The following SH3D19 variants were observed in gnomAD, a reference collection of about 807,000 sequenced individuals.
SH3D19 encodes the protein SH3 domain containing 19, also known as SH3 domain-containing protein 19.
SH3D19 carries 58 observed loss-of-function variants against 112.1 expected under a neutral mutation model. The ratio of observed to expected loss-of-function variants is 0.52; its 90% CI spans 0.42 to 0.64. SH3D19 has a LOEUF of 0.64. Ranked by LOEUF, SH3D19 falls within the 30% of genes least tolerant of loss-of-function variation. SH3D19 has a pLI of 0.00. For synonymous variants in SH3D19, 391 were observed against 448.5 expected (o/e 0.87, Z 1.62); for missense variants, 1,090 against 1,263.4 (o/e 0.86, Z 2.08).
rs1763815617 is a variant in SH3D19 at position 151,198,323 on chromosome 4, TATATAATATAAAA to T, written c.153-10873_153-10861del. ...CTGTCTCAAAAAAAAAAAAAATATATATATAATATAAAAATATATATTATATAAAATATAAAAT... is the reference window on the plus strand; with the variant it reads ...CTGTCTCAAAAAAAAAAAAAATATATATATATATTATATAAAATATAAAAT... On this transcript the variant is annotated intron_variant, in intron 2 of 19. Transcript: ENST00000604030. 4.9e-5 allele frequency among the ~76,000 whole-genome samples: 4 copies of T among 82,158 alleles called. No individual in the cohort carries two copies. In the South Asian group the frequency reaches 9.6e-4, roughly 20 times the overall value. 53.9% of individuals were successfully genotyped at this position (82,158 alleles called of 152,430 possible).
intron 12 of SH3D19, among the ~76,000 whole-genome samples, chr4:151,143,392 T>C (rs1753363856): frequency 6.6e-6 from 1 of 152,022 alleles, no homozygotes; most frequent in South Asian, 2.1e-4. Flanking sequence ...AATGAGTCAG[T>C]GGAGAACTTG....
intron 1 of SH3D19, among the ~76,000 whole-genome samples, chr4:151,288,982 A>C (rs891045050): frequency 3.3e-5 from 5 of 152,232 alleles, no homozygotes; most frequent in African/African-American, 9.6e-5. Context: ...CACATTTTTC[A>C]TATTTCAAAA....
chr4:151,282,391 G>C (rs773097478), intron 1 of SH3D19: 1 of 1,613,824 alleles, frequency 6.2e-7, no homozygotes, highest in South Asian at 1.1e-5. Context: ...TGACCGGATG[G>C]GGAAAAGTTA....
intron 1 of SH3D19, among the ~76,000 whole-genome samples, chr4:151,286,600 T>TAA (rs200710507): frequency 1.4e-4 from 19 of 132,800 alleles, no homozygotes; most frequent in South Asian, 2.5e-4. Flanking sequence ...CATTTGTGAT[T>TAA]AAAAAAAAAA....
At chr4:151,244,226 C>CAACAAA (rs1770766021) in intron 1 of SH3D19, among the ~76,000 whole-genome samples, 1 of 151,938 alleles carries the variant, frequency 6.6e-6, no homozygotes, top group Admixed American at 6.6e-5. Context: ...ACAACAACAA[C>CAACAAA]AAATACACAA....
At chr4:151,178,598 C>A (rs531679013) in intron 4 of SH3D19, among the ~76,000 whole-genome samples, 10 of 152,244 alleles carry the variant, frequency 6.6e-5, no homozygotes, top group African/African-American at 2.4e-4. Flanking sequence ...CATTTTAAAG[C>A]TGGGATAAAG....
chr4:151,313,174 T>C (rs1311509204), intron 1 of SH3D19, among the ~76,000 whole-genome samples: 1 of 151,768 alleles, frequency 6.6e-6, no homozygotes, highest in Non-Finnish European at 1.5e-5. Flanking sequence ...CCAGGTGATC[T>C]GTAGGCAGAA....
intron 15 of SH3D19, 109 bp downstream of exon 15, chr4:151,134,965 G>A: frequency 1.1e-6 from 1 of 872,106 alleles, no homozygotes; most frequent in Non-Finnish European, 1.8e-6. Flanking sequence ...TGGGATACAG[G>A]TCTGAGCCAC....
intron 1 of SH3D19, among the ~76,000 whole-genome samples, chr4:151,251,759 C>G (rs531257607): frequency 6.6e-6 from 1 of 152,280 alleles, no homozygotes; most frequent in East Asian, 1.9e-4. Context: ...ACCCATGTTG[C>G]TGAGCAGCAC....
chr4:151,233,386 C>G (rs72723778), intron 1 of SH3D19, among the ~76,000 whole-genome samples: 2 of 152,050 alleles, frequency 1.3e-5, no homozygotes, highest in Non-Finnish European at 2.9e-5. Context: ...GGTTGGGGAC[C>G]GCTGCATTAA....
chr4:151,277,902 G>C (rs764417365), intron 1 of SH3D19, among the ~76,000 whole-genome samples: 1 of 152,048 alleles, frequency 6.6e-6, no homozygotes, highest in Admixed American at 6.5e-5. Context: ...TTAGCCGGGC[G>C]TGGTGGCGGG....
chr4:151,270,462 C>G lies in SH3D19; in HGVS notation c.113-44376G>C, dbSNP rs540163309. Among the ~76,000 whole-genome samples, 75 of 152,322 alleles carry G rather than the reference C, an allele frequency of 4.9e-4. 1 individual carries two copies. Among genetic ancestry groups the G allele is most frequent in the African/African-American group, 1.8e-3 (73 of 41,578 alleles). ...GAGGCCTTCTCAGAAGCAGATGCCG[C>G]TATGCCTCCTGTGCAGCCTGCAGAA... On this transcript the variant is annotated intron_variant, in intron 1 of 19. Transcript: ENST00000604030.
intron 19 of SH3D19, among the ~76,000 whole-genome samples, chr4:151,125,988 C>A (rs1749231957): frequency 6.6e-6 from 1 of 151,602 alleles, no homozygotes; most frequent in African/African-American, 2.4e-5. Flanking sequence ...AACCCCATCA[C>A]AAAATAGGAA....
intron 19 of SH3D19, among the ~76,000 whole-genome samples, chr4:151,127,050 C>T (rs910178134): frequency 4.0e-5 from 6 of 151,718 alleles, no homozygotes; most frequent in African/African-American, 1.5e-4. Flanking sequence ...GCTGGGATTA[C>T]AGGCGCCTGC....
intron 1 of SH3D19, among the ~76,000 whole-genome samples, chr4:151,234,556 G>A (rs78008750): frequency 0.029 from 4,386 of 152,078 alleles, 92 homozygotes; most frequent in African/African-American, 0.047. Context: ...TGATTCTCTT[G>A]CCTTAATAGT....
rs898508627 is a variant in SH3D19 at position 151,183,877 on chromosome 4, C to A, written c.193+3546G>T. On this transcript the variant is annotated intron_variant, in intron 3 of 19. Transcript: ENST00000604030. ...TGAAGTCAGGAAACAAGGTTCATATCTTGGCTCTACCTTGTGAAGCCACTT... is the reference window on the plus strand; with the variant it reads ...TGAAGTCAGGAAACAAGGTTCATATATTGGCTCTACCTTGTGAAGCCACTT... Among the ~76,000 whole-genome samples the A allele has an allele frequency of 3.3e-5, 5 of 152,190 alleles. No homozygotes were observed. In the East Asian group the frequency reaches 9.6e-4, roughly 29 times the overall value.
At chr4:151,297,048 C>T (rs151179567) in intron 1 of SH3D19, among the ~76,000 whole-genome samples, 1,723 of 152,302 alleles carry the variant, frequency 0.011, 30 homozygotes, top group African/African-American at 0.04. Context: ...AGTCTATCCA[C>T]ACACTAGAAA....
At position 151,279,360 on chromosome 4, in the gene SH3D19, A is replaced by T. The variant is rs180974835; in HGVS notation, c.112+45881T>A. Among the ~76,000 whole-genome samples the T allele has an allele frequency of 8.5e-3, 1,293 of 152,270 alleles. 10 individuals are homozygous for T. The highest frequency in any genetic ancestry group is 0.012 in the Non-Finnish European group (843 of 68,008). On this transcript the variant is annotated intron_variant, in intron 1 of 19. Transcript: ENST00000604030. ...CCACTATCCCTGGTTTAAAAAAAAAATTTTAAGTTAAATGATATTCCATGT... is the reference window on the plus strand; with the variant it reads ...CCACTATCCCTGGTTTAAAAAAAAATTTTTAAGTTAAATGATATTCCATGT...
At chr4:151,150,344 C>CACAT (rs776782411) in intron 9 of SH3D19, among the ~76,000 whole-genome samples, 1 of 142,348 alleles carries the variant, frequency 7.0e-6, no homozygotes, top group Admixed American at 7.2e-5. Context: ...TATACACACA[C>CACAT]ATATATATAT....
Sources: allele counts gnomAD v4.1 joint callset (sites outside exome capture counted in the v4.1 genomes callset), GRCh38; gene constraint gnomAD v4.1.1; transcripts MANE v1.5; gene names NCBI Gene and HGNC (gene_info 2026-07-23, HGNC 2026-07-21).